Variants in EXOC6B observed in about 807,000 individuals in gnomAD.
EXOC6B encodes exocyst complex component 6B, also known as SEC15 homolog B.
In EXOC6B, 54 loss-of-function variants were observed where a neutral mutation model predicts 113.5. That is an observed-to-expected ratio of 0.48 (90% CI 0.38 to 0.60). The LOEUF (loss-of-function observed/expected upper bound fraction) is 0.60. Ranked by LOEUF, EXOC6B falls within the 20% of genes least tolerant of loss-of-function variation. The pLI is 0.00. For missense variants in EXOC6B, 797 were observed against 977.5 expected (o/e 0.82, Z 2.46); for synonymous variants, 357 against 339.0 (o/e 1.05, Z -0.58).
intron 20 of EXOC6B, among the ~76,000 whole-genome samples, chr2:72,282,835 A>C (rs1170390839): frequency 6.6e-6 from 1 of 152,192 alleles, no homozygotes; most frequent in East Asian, 1.9e-4. Flanking sequence ...ACAATGTTAA[A>C]AGAGTTGATC....
intron 6 of EXOC6B, among the ~76,000 whole-genome samples, chr2:72,631,219 T>C (rs1223905342): frequency 6.6e-6 from 1 of 151,794 alleles, no homozygotes; most frequent in Non-Finnish European, 1.5e-5. Flanking sequence ...TATGTGTATA[T>C]ATGTGTGTGT....
chr2:72,361,284 G>C (rs1365225555), intron 19 of EXOC6B, among the ~76,000 whole-genome samples: 3 of 152,178 alleles, frequency 2.0e-5, no homozygotes, highest in Admixed American at 2.0e-4. Context: ...CACTGGAGAA[G>C]CTTGATTTAA....
At chr2:72,218,851 C>G (rs1472527975) in intron 20 of EXOC6B, among the ~76,000 whole-genome samples, 1 of 151,554 alleles carries the variant, frequency 6.6e-6, no homozygotes, top group African/African-American at 2.4e-5. Context: ...TTAGTAGAGA[C>G]AGGGTTTCAT....
chr2:72,348,902 A>AT (rs1317250821), intron 19 of EXOC6B, among the ~76,000 whole-genome samples: 1 of 152,138 alleles, frequency 6.6e-6, no homozygotes, highest in Non-Finnish European at 1.5e-5. Context: ...AAAGAGCTAC[A>AT]TTTTTTTAAA....
chr2:72,638,509 T>C (rs1673000761), intron 6 of EXOC6B, among the ~76,000 whole-genome samples: 1 of 151,936 alleles, frequency 6.6e-6, no homozygotes, highest in African/African-American at 2.4e-5. Context: ...ACACAGAAGC[T>C]AGGCTGGAGG....
chr2:72,677,833 C>G (rs998471759), intron 6 of EXOC6B, among the ~76,000 whole-genome samples: 1 of 152,098 alleles, frequency 6.6e-6, no homozygotes, highest in Admixed American at 6.5e-5. Flanking sequence ...CTCTTAACGA[C>G]ATACAACTCA....
chr2:72,240,070 T>C (rs1265085207), intron 20 of EXOC6B, among the ~76,000 whole-genome samples: 1 of 152,180 alleles, frequency 6.6e-6, no homozygotes, highest in Non-Finnish European at 1.5e-5. Flanking sequence ...TTCTAATAGA[T>C]TTTTAGTGGA....
chr2:72,677,474 T>TC (rs918188647), intron 6 of EXOC6B, among the ~76,000 whole-genome samples: 1 of 152,040 alleles, frequency 6.6e-6, no homozygotes, highest in African/African-American at 2.4e-5. Flanking sequence ...TTCCTCCCCC[T>TC]CCCCAACTCT....
rs905136915 is a variant in EXOC6B at position 72,269,489 on chromosome 2, T to C, written c.2196+65458A>G. 2.6e-5 allele frequency among the ~76,000 whole-genome samples: 4 copies of C among 152,164 alleles called. 1 individual carries two copies. Among genetic ancestry groups the C allele is most frequent in the Non-Finnish European group, 5.9e-5 (4 of 68,024 alleles). On this transcript the variant is annotated intron_variant, in intron 20 of 21. Transcript: ENST00000272427. Reference sequence around the variant, plus strand: ...CTATACTGGTTCCAGGCAAGGTCACTGGAGACAGCAGGTAAAACAAGATAA... The same window carrying C: ...CTATACTGGTTCCAGGCAAGGTCACCGGAGACAGCAGGTAAAACAAGATAA...
At chr2:72,399,721 T>C (rs186805598) in intron 18 of EXOC6B, among the ~76,000 whole-genome samples, 3 of 152,182 alleles carry the variant, frequency 2.0e-5, no homozygotes, top group Admixed American at 2.0e-4. Flanking sequence ...TACCCAGAAA[T>C]ACATTTAACC....
chr2:72,519,445 T>C (rs1228488110), intron 8 of EXOC6B, among the ~76,000 whole-genome samples: 2 of 152,128 alleles, frequency 1.3e-5, no homozygotes, highest in Non-Finnish European at 2.9e-5. Context: ...AAAACCAACA[T>C]GGTAGATAAA....
intron 18 of EXOC6B, among the ~76,000 whole-genome samples, chr2:72,411,025 A>G (rs905157060): frequency 1.3e-5 from 2 of 152,176 alleles, no homozygotes; most frequent in Non-Finnish European, 2.9e-5. Context: ...CCTGAGCAAC[A>G]TAGTGAAACC....
intron 20 of EXOC6B, among the ~76,000 whole-genome samples, chr2:72,275,102 G>C (rs1684733103): frequency 6.6e-6 from 1 of 152,106 alleles, no homozygotes; most frequent in Non-Finnish European, 1.5e-5. Context: ...GTACCCACTT[G>C]ATAACTGTAG....
At chr2:72,386,553 C>T (rs753050622) in intron 18 of EXOC6B, among the ~76,000 whole-genome samples, 8 of 152,154 alleles carry the variant, frequency 5.3e-5, no homozygotes, top group Non-Finnish European at 7.4e-5. Flanking sequence ...GACACTGTTC[C>T]CTGCATCCTA....
chr2:72,279,816 T>C (rs1417402140), intron 20 of EXOC6B, among the ~76,000 whole-genome samples: 1 of 151,464 alleles, frequency 6.6e-6, no homozygotes, highest in Non-Finnish European at 1.5e-5. Context: ...GTTGTTTTTG[T>C]TTTTTTTAAG....
At chr2:72,686,604 G>A (rs932918860) in intron 6 of EXOC6B, among the ~76,000 whole-genome samples, 1 of 152,102 alleles carries the variant, frequency 6.6e-6, no homozygotes, top group Admixed American at 6.6e-5. Flanking sequence ...CCATAAGCAA[G>A]ATACTGAATT....
chr2:72,431,233 C>G (rs1210115223), intron 18 of EXOC6B, among the ~76,000 whole-genome samples: 2 of 152,094 alleles, frequency 1.3e-5, no homozygotes, highest in East Asian at 1.9e-4. Context: ...TATAGAAACT[C>G]TCATGTGACA....
intron 18 of EXOC6B, among the ~76,000 whole-genome samples, chr2:72,445,040 T>C (rs1300977680): frequency 6.6e-6 from 1 of 152,196 alleles, no homozygotes; most frequent in East Asian, 1.9e-4. Flanking sequence ...TCTGTATCCC[T>C]TTTAAAATGG....
intron 18 of EXOC6B, among the ~76,000 whole-genome samples, chr2:72,391,674 A>G (rs995503372): frequency 1.3e-5 from 2 of 152,104 alleles, no homozygotes; most frequent in African/African-American, 4.8e-5. Context: ...TGGGACTCCA[A>G]ATATATCCAT....
Sources: allele counts gnomAD v4.1 joint callset (sites outside exome capture counted in the v4.1 genomes callset), GRCh38; gene constraint gnomAD v4.1.1; transcripts MANE v1.5; gene names NCBI Gene and HGNC (gene_info 2026-07-23, HGNC 2026-07-21).